The following ADORA2A variants were observed in gnomAD, a reference collection of about 807,000 sequenced individuals.
ADORA2A encodes the protein adenosine receptor A2a.
In ADORA2A, 11 loss-of-function variants were observed where a neutral mutation model predicts 18.4. That is an observed-to-expected ratio of 0.60 (90% CI 0.38 to 0.99). The LOEUF (loss-of-function observed/expected upper bound fraction) is 0.99, where lower values mean the gene tolerates loss of function less well. Among genes scored for constraint, ADORA2A ranks in the 50% least tolerant of loss-of-function variants. The pLI is 0.01. For missense variants in ADORA2A, 449 were observed against 556.1 expected (o/e 0.81, Z 1.94); for synonymous variants, 218 against 237.3 (o/e 0.92, Z 0.75).
At chr22:24,432,759 G>A (rs944154846) in intron 1 of ADORA2A, 2 of 156,716 alleles carry the variant, frequency 1.3e-5, no homozygotes, top group African/African-American at 2.4e-5. Flanking sequence ...GCCCAGCTAG[G>A]GCAGTACTCA....
intron 2 of ADORA2A, 23 bp downstream of exon 2, chr22:24,433,759 C>A: frequency 6.3e-7 from 1 of 1,593,480 alleles, no homozygotes; most frequent in African/African-American, 1.3e-5. Context: ...GGGGTTACAT[C>A]TGTGCAAAGG....
In ADORA2A at chr22:24,433,377, G is replaced by T. The variant is rs772551513; in HGVS notation, c.-28G>T. 11 of 1,583,816 alleles carry T rather than the reference G, an allele frequency of 6.9e-6. No individual in the cohort carries two copies. Among genetic ancestry groups the T allele is most frequent in the African/African-American group, 1.3e-5 (1 of 74,212 alleles). ...CCGTGAGCTGGCCCAGCCCGCGTCC[G>T]TGCTGAGCCTGCCTGTCGTCTGTGG... On this transcript the variant is annotated 5_prime_UTR_variant, in exon 2 of 3. Coordinates refer to ENST00000337539, the MANE Select transcript of ADORA2A (RefSeq NM_000675.6).
chr22:24,437,462 C>T (rs1234627342), intron 2 of ADORA2A, among the ~76,000 whole-genome samples: 1 of 152,184 alleles, frequency 6.6e-6, no homozygotes, highest in Non-Finnish European at 1.5e-5. Context: ...ATGCTGTCCC[C>T]ACCCCGTGGG....
chr22:24,434,591 T>C (rs1403850504), intron 2 of ADORA2A, among the ~76,000 whole-genome samples: 2 of 152,186 alleles, frequency 1.3e-5, no homozygotes, highest in African/African-American at 4.8e-5. Context: ...AGAGCTGGGT[T>C]CCACAGCCTG....
intron 2 of ADORA2A, among the ~76,000 whole-genome samples, chr22:24,434,453 G>A (rs1307258043): frequency 2.0e-5 from 3 of 152,216 alleles, no homozygotes; most frequent in African/African-American, 7.2e-5. Flanking sequence ...TGCAAATGAA[G>A]ATTTTCCCAG....
At chr22:24,427,082 C>T (rs930114640), upstream of ADORA2A, among the ~76,000 whole-genome samples, 11 of 152,164 alleles carry the variant, frequency 7.2e-5, no homozygotes, top group African/African-American at 9.7e-5. Context: ...AGAGGGAGGC[C>T]GATGGTGCCA....
chr22:24,431,691 AG>A lies in ADORA2A; in HGVS notation c.-274-1435del, dbSNP rs537037242. On this transcript the variant is annotated intron_variant, in intron 1 of 2. Transcript: ENST00000337539. ...GGGCCCCATGAGGGTTCAGGATTGG[AG>A]GGGGTAGATTTGGGGGCCTCTTAGC... 1,431 of 357,532 alleles carry A rather than the reference AG, an allele frequency of 4.0e-3. 11 individuals are homozygous for A. Among genetic ancestry groups the A allele is most frequent in the Non-Finnish European group, 5.1e-3 (916 of 181,002 alleles). 22.1% of individuals were successfully genotyped at this position (357,532 alleles called of 1,614,324 possible).
chr22:24,433,239 G>A lies in ADORA2A; in HGVS notation c.-166G>A, dbSNP rs1203273566. On this transcript the variant is annotated 5_prime_UTR_variant, in exon 2 of 3. Coordinates refer to ENST00000337539, the MANE Select transcript of ADORA2A (RefSeq NM_000675.6). ...AGTCCTCTGTGAAAAAGCCCTTGGA[G>A]AGCGCCCCAGCAGGGCTGCACTTGG... The A allele has an allele frequency of 1.5e-6, 1 of 648,762 alleles. No individual in the cohort carries two copies. Among genetic ancestry groups the A allele is most frequent in the Non-Finnish European group, 2.6e-6 (1 of 381,134 alleles). The allele number at this position is 648,762 out of a possible 1,614,324, so 40.2% of individuals were successfully genotyped here. A position where few individuals can be genotyped will look rare whatever the true frequency, so the allele number is the denominator to read the frequency against.
intron 2 of ADORA2A, among the ~76,000 whole-genome samples, chr22:24,435,314 G>A (rs1029258100): frequency 6.6e-6 from 1 of 152,208 alleles, no homozygotes; most frequent in Non-Finnish European, 1.5e-5. Flanking sequence ...CTGTCTGCAG[G>A]TGCCCAGGTG....
At chr22:24,425,337 A>ACTCCCCCCCCCCCCCCC (rs1568940744), upstream of ADORA2A, among the ~76,000 whole-genome samples, 2 of 82,320 alleles carry the variant, frequency 2.4e-5, no homozygotes, top group Non-Finnish European at 2.3e-5. Flanking sequence ...TGTGGGCAGC[A>ACTCCCCCCCCCCCCCCC]CCCCCCCCCC....
intron 2 of ADORA2A, among the ~76,000 whole-genome samples, chr22:24,436,219 G>A (rs1189410754): frequency 1.3e-5 from 2 of 152,156 alleles, no homozygotes; most frequent in Admixed American, 6.5e-5. Flanking sequence ...AGCAAGCGGG[G>A]TATGAAAGGA....
In ADORA2A at chr22:24,433,515, G is replaced by A. The variant is rs200617820; in HGVS notation, c.111G>A (p.Leu37=). Residue 37 remains leucine, a synonymous_variant, in exon 2 of 3, where the codon CTG becomes CTA. Coordinates refer to ENST00000337539, the MANE Select transcript of ADORA2A (RefSeq NM_000675.6). ...GGGCCGTGTGGCTCAACAGCAACCT[G>A]CAGAACGTCACCAACTACTTTGTGG... ...VCWAVWLNSN[L]QNVTNYFVVS... 26 of 1,614,102 alleles carry A rather than the reference G, an allele frequency of 1.6e-5. No homozygotes were observed. Among genetic ancestry groups the A allele is most frequent in the Non-Finnish European group, 2.2e-5 (26 of 1,180,060 alleles).
In ADORA2A at chr22:24,440,924, T is replaced by C; in HGVS notation, c.674T>C (p.Leu225Pro). 1 of 1,614,186 alleles carries C rather than the reference T, an allele frequency of 6.2e-7. No individual in the cohort carries two copies. Among genetic ancestry groups the C allele is most frequent in the Non-Finnish European group, 8.5e-7 (1 of 1,180,024 alleles). ...CCGGGGGAGCGGGCACGGTCCACAC[T>C]GCAGAAGGAGGTCCATGCTGCCAAG... ...PLPGERARSTLQKEVHAAKSL... is the reference protein window; with the variant it reads ...PLPGERARSTPQKEVHAAKSL... Residue 225 changes from leucine (L) to proline (P), a missense_variant, in exon 3 of 3, where the codon CTG (leucine) becomes CCG (proline). Leu to Pro is a moderately conservative substitution (Grantham distance 98). Transcript: ENST00000337539.
upstream of ADORA2A, among the ~76,000 whole-genome samples, chr22:24,426,311 A>C (rs2042918465): frequency 6.6e-6 from 1 of 152,238 alleles, no homozygotes; most frequent in Admixed American, 6.5e-5. Context: ...CAGAGCCCTG[A>C]GCACGCAGGA....
At chr22:24,436,179 C>T (rs1271109951) in intron 2 of ADORA2A, among the ~76,000 whole-genome samples, 4 of 152,210 alleles carry the variant, frequency 2.6e-5, no homozygotes, top group Non-Finnish European at 5.9e-5. Context: ...GGCCTCTGGG[C>T]ATGTGGAGGT....
upstream of ADORA2A, among the ~76,000 whole-genome samples, chr22:24,426,996 CTCGGA>C (rs1238911666): frequency 6.6e-6 from 1 of 152,194 alleles, no homozygotes; most frequent in East Asian, 1.9e-4. Context: ...GTGCCCACTC[CTCGGA>C]TGTGCCGCTG....
Position 24,441,787 on chromosome 22 carries a change from G to A in ADORA2A, c.*298G>A, listed in dbSNP as rs938545617. 7.0e-6 allele frequency: 2 copies of A among 284,540 alleles called. No homozygotes were observed. Among genetic ancestry groups the A allele is most frequent in the African/African-American group, 4.3e-5 (2 of 46,008 alleles). The allele number at this position is 284,540 out of a possible 1,614,324, so 17.6% of individuals were successfully genotyped here. A position where few individuals can be genotyped will look rare whatever the true frequency, so the allele number is the denominator to read the frequency against. ...CCCTCCACTGCAGAAGCATCTGGAA[G>A]CACCACCTTGTCTCCACAGAGCAGC... is the stretch of plus-strand genomic sequence containing the variant. On this transcript the variant is annotated 3_prime_UTR_variant, in exon 3 of 3. Coordinates refer to ENST00000337539, the MANE Select transcript of ADORA2A (RefSeq NM_000675.6).
At chr22:24,429,806 G>A (rs143265985) in intron 1 of ADORA2A, 1 of 152,458 alleles carries the variant, frequency 6.6e-6, no homozygotes, top group African/African-American at 2.4e-5. Context: ...AGCTGTGTCT[G>A]AGGGTCCAGT....
At chr22:24,434,845 G>A (rs562682909) in intron 2 of ADORA2A, among the ~76,000 whole-genome samples, 102 of 152,338 alleles carry the variant, frequency 6.7e-4, no homozygotes, top group South Asian at 3.1e-3. Context: ...CTTCGGGATG[G>A]AAAATGAGCC....
Sources: gnomAD v4.1 joint callset for allele counts (sites outside exome capture counted in the v4.1 genomes callset) on GRCh38, gnomAD v4.1.1 for gene constraint, MANE v1.5 for transcripts, NCBI Gene and HGNC (gene_info 2026-07-23, HGNC 2026-07-21) for gene names.